Variants in RBM26 observed in about 807,000 individuals in gnomAD.
The protein encoded by RBM26 is RNA binding motif protein 26, also known as RNA-binding protein 26.
Under a neutral mutation model 123.6 loss-of-function variants are expected in RBM26, and 30 were observed. The ratio of observed to expected loss-of-function variants is 0.24; its 90% CI spans 0.18 to 0.33. The LOEUF (loss-of-function observed/expected upper bound fraction) is 0.33. RBM26 is among the 10% of genes least tolerant of loss of function. RBM26 has a pLI of 1.00. For synonymous variants in RBM26, 400 were observed against 404.4 expected (o/e 0.99, Z 0.13); for missense variants, 947 against 1,203.6 (o/e 0.79, Z 3.15).
At position 79,359,659 on chromosome 13, in the gene RBM26, C is replaced by T; in HGVS notation, c.1445G>A (p.Arg482Lys). ...CCTTGATTCTGAGTCCACTACTATC[C>T]TCATACTGCTTTTATTGGGAGGCTT... ...REKPPNKSSM[R>K]IVVDSESRKR... The change falls in exon 10 of 22, where the codon AGG (arginine) becomes AAG (lysine). Residue 482 changes from arginine to lysine, a missense_variant. Physicochemically the swap from Arg to Lys is conservative, Grantham distance 26. Around this residue, in one of 5 missense-constraint regions of RBM26, gnomAD observed 493 missense variants for 563.1 expected, o/e 0.88. Transcript: ENST00000438737. 1.3e-6 allele frequency: 2 copies of T among 1,578,166 alleles called. No homozygotes were observed. The highest frequency in any genetic ancestry group is 1.2e-5 in the South Asian group (1 of 84,160).
At chr13:79,399,399 G>A (rs941395344) in intron 1 of RBM26, among the ~76,000 whole-genome samples, 5 of 152,010 alleles carry the variant, frequency 3.3e-5, no homozygotes, top group Non-Finnish European at 4.4e-5. Flanking sequence ...AATAAATGGT[G>A]CCCACTACTA....
At chr13:79,384,998 T>G (rs943942857) in intron 1 of RBM26, among the ~76,000 whole-genome samples, 1 of 152,188 alleles carries the variant, frequency 6.6e-6, no homozygotes, top group African/African-American at 2.4e-5. Flanking sequence ...TCAGTAATCT[T>G]GAAAAGAAGC....
At chr13:79,327,101 G>GC in intron 20 of RBM26, among the ~76,000 whole-genome samples, 1 of 151,978 alleles carries the variant, frequency 6.6e-6, no homozygotes, top group Non-Finnish European at 1.5e-5. Context: ...TTCAAGACCA[G>GC]CCTGGACAAC....
At chr13:79,396,590 T>G (rs1285918008) in intron 1 of RBM26, among the ~76,000 whole-genome samples, 1 of 152,144 alleles carries the variant, frequency 6.6e-6, no homozygotes, top group African/African-American at 2.4e-5. Flanking sequence ...TTAAAGACAT[T>G]GATTTTATAA....
intron 5 of RBM26, among the ~76,000 whole-genome samples, chr13:79,369,642 G>A (rs2075678760): frequency 6.6e-6 from 1 of 152,052 alleles, no homozygotes; most frequent in Admixed American, 6.6e-5. Context: ...TTTGAGAAAA[G>A]GTGCTTTACT....
At chr13:79,352,488 C>T (rs911335833) in intron 14 of RBM26, among the ~76,000 whole-genome samples, 29 of 151,402 alleles carry the variant, frequency 1.9e-4, no homozygotes, top group African/African-American at 6.8e-4. Context: ...ATAACATCTA[C>T]ACAGAACTAT....
chr13:79,344,376 T>C, intron 15 of RBM26, 54 bp from the exon 16 acceptor site: 1 of 1,308,868 alleles, frequency 7.6e-7, no homozygotes, highest in South Asian at 1.2e-5. Context: ...TAAACAATAT[T>C]ATTCAAGAGA....
intron 1 of RBM26, among the ~76,000 whole-genome samples, chr13:79,387,273 A>C (rs2077571687): frequency 8.1e-6 from 1 of 123,990 alleles, no homozygotes; most frequent in African/African-American, 3.0e-5. Flanking sequence ...TTAAGGGATT[A>C]CTAAATAATG....
intron 1 of RBM26, among the ~76,000 whole-genome samples, chr13:79,397,755 T>C (rs1477498526): frequency 6.7e-6 from 1 of 149,096 alleles, no homozygotes; most frequent in African/African-American, 2.5e-5. Flanking sequence ...GATGATGAGA[T>C]TGGTAGAAGA....
At chr13:79,359,759 T>A in intron 9 of RBM26, 73 bp from the exon 10 acceptor site, 1 of 576,634 alleles carries the variant, frequency 1.7e-6, no homozygotes, top group Non-Finnish European at 2.7e-6. Flanking sequence ...GATACCTTCC[T>A]CATACAGGAA....
At chr13:79,313,984 G>A (rs546699621), downstream of RBM26, 17 of 151,564 alleles carry the variant, frequency 1.1e-4, 1 homozygote, top group Middle Eastern at 0.038. Flanking sequence ...ACCAAGTATA[G>A]CTTCCAACTT....
intron 18 of RBM26, 23 bp downstream of exon 18, chr13:79,341,100 T>G (rs769326618): frequency 1.5e-6 from 2 of 1,367,172 alleles, no homozygotes; most frequent in South Asian, 2.5e-5. Flanking sequence ...TTAAGCCTAC[T>G]GTGTAGTTGT....
intron 3 of RBM26, among the ~76,000 whole-genome samples, chr13:79,373,425 AT>A (rs1566507363): frequency 5.8e-5 from 4 of 68,630 alleles, no homozygotes; most frequent in East Asian, 1.2e-3. Flanking sequence ...TATAAATAAA[AT>A]ATAAATATAT....
intron 1 of RBM26, 71 bp downstream of exon 1, chr13:79,405,633 A>C: frequency 2.6e-6 from 3 of 1,132,140 alleles, no homozygotes; most frequent in Non-Finnish European, 3.8e-6. Flanking sequence ...ACTTGGGGAA[A>C]CTGCACAGAT....
At chr13:79,316,473 G>C (rs1253798448), downstream of RBM26, among the ~76,000 whole-genome samples, 4 of 151,776 alleles carry the variant, frequency 2.6e-5, no homozygotes, top group African/African-American at 9.6e-5. Context: ...ATCAGTTCTA[G>C]TAAGAAGACA....
At chr13:79,330,929 C>T (rs907579584) in intron 20 of RBM26, among the ~76,000 whole-genome samples, 1 of 152,140 alleles carries the variant, frequency 6.6e-6, no homozygotes, top group African/African-American at 2.4e-5. Flanking sequence ...AGTAAAAACA[C>T]ACACACATAC....
downstream of RBM26, chr13:79,314,786 C>T (rs1284511976): frequency 3.5e-6 from 1 of 284,532 alleles, no homozygotes; most frequent in East Asian, 9.8e-5. Context: ...TCAGAGCACA[C>T]ATTCAGATAC....
chr13:79,391,136 C>T (rs1332294539), intron 1 of RBM26, among the ~76,000 whole-genome samples: 1 of 152,164 alleles, frequency 6.6e-6, no homozygotes, highest in Admixed American at 6.5e-5. Flanking sequence ...GATGATACTA[C>T]TTGAGAAAAT....
intron 11 of RBM26, among the ~76,000 whole-genome samples, 163 bp downstream of exon 11, chr13:79,358,111 C>G (rs9574412): frequency 0.99 from 150,298 of 152,290 alleles, 74,207 homozygotes; most frequent in East Asian, 1. Context: ...TCGAATTCCT[C>G]ACCTCAGGTG....
Sources: allele counts gnomAD v4.1 joint callset (sites outside exome capture counted in the v4.1 genomes callset), GRCh38; gene constraint gnomAD v4.1.1; regional missense constraint gnomAD v4.1.1; transcripts MANE v1.5; gene names NCBI Gene and HGNC (gene_info 2026-07-23, HGNC 2026-07-21).